The following CACNA1C variants were observed in gnomAD, a reference collection of about 807,000 sequenced individuals.
CACNA1C encodes the protein voltage-dependent L-type calcium channel subunit alpha-1C.
In CACNA1C, 30 loss-of-function variants were observed where a neutral mutation model predicts 229.0. The ratio of observed to expected loss-of-function variants is 0.13; its 90% CI spans 0.10 to 0.18. The LOEUF (loss-of-function observed/expected upper bound fraction) is 0.18. Among genes scored for constraint, CACNA1C ranks in the 10% least tolerant of loss-of-function variants. The pLI is 1.00. For synonymous variants in CACNA1C, 1,114 were observed against 1,132.5 expected, an observed-to-expected ratio of 0.98 and a Z score of 0.33; for missense variants, 1,658 against 2,845.0, an observed-to-expected ratio of 0.58 and a Z score of 9.49.
At chr12:2,158,374 G>A (rs540892904) in intron 3 of CACNA1C, among the ~76,000 whole-genome samples, 7 of 152,236 alleles carry the variant, frequency 4.6e-5, no homozygotes, top group Non-Finnish European at 4.4e-5. Flanking sequence ...TCAGGAGTTC[G>A]AGACCAGCCT....
rs2099741326 is a variant in CACNA1C, at chr12:2,493,883, AT to A, written c.1113+502del. 1.3e-5 allele frequency among the ~76,000 whole-genome samples: 2 copies of A among 152,164 alleles called. No homozygotes were observed. The highest frequency in any genetic ancestry group is 2.4e-5 in the African/African-American group (1 of 41,436). On this transcript the variant is annotated intron_variant, in intron 7 of 46. Transcript: ENST00000399655. This position sits in a 1 kb window ranked among gnomAD's most constrained non-coding sequence, Gnocchi z 4.6. The stretch of plus-strand genomic sequence containing the variant: ...GTGTAGCATTGTGACATGCTATTCA[AT>A]TTTTACTTTTTATTTTACTCTTACC...
At chr12:2,644,919 T>C (rs1469447012) in intron 30 of CACNA1C, among the ~76,000 whole-genome samples, 1 of 152,232 alleles carries the variant, frequency 6.6e-6, no homozygotes, top group Non-Finnish European at 1.5e-5. Context: ...CTTTCCTTTC[T>C]GTTTGCCCTG....
Position 2,285,749 on chromosome 12 carries a change from T to G in CACNA1C, c.478-163227T>G, listed in dbSNP as rs946662907. Reference sequence around the variant, plus strand: ...TCTTTTTCTCAACCTGTTGCTAACGTGCTCATTCGAGAGAGGCTGGTGCGC... The same window carrying G: ...TCTTTTTCTCAACCTGTTGCTAACGGGCTCATTCGAGAGAGGCTGGTGCGC... On this transcript the variant is annotated intron_variant, in intron 3 of 46. Coordinates refer to ENST00000399655, the MANE Select transcript of CACNA1C (RefSeq NM_000719.7). The surrounding 1 kb of genome is among the most constrained non-coding windows in gnomAD (Gnocchi z 4.2). 2.6e-5 allele frequency among the ~76,000 whole-genome samples: 4 copies of G among 152,168 alleles called. No individual in the cohort carries two copies. The highest frequency in any genetic ancestry group is 4.4e-5 in the Non-Finnish European group (3 of 68,032).
At chr12:2,428,648 T>C (rs1446500878) in intron 3 of CACNA1C, among the ~76,000 whole-genome samples, 3 of 152,178 alleles carry the variant, frequency 2.0e-5, no homozygotes, top group Non-Finnish European at 1.5e-5. Flanking sequence ...TACCTACTTA[T>C]CTGTGCTGTG....
intron 11 of CACNA1C, among the ~76,000 whole-genome samples, chr12:2,565,318 T>A (rs1395960587): frequency 6.7e-6 from 1 of 150,346 alleles, no homozygotes; most frequent in African/African-American, 2.5e-5. Context: ...ATACAAAAAA[T>A]TAGCCGGGCG....
chr12:2,116,479 C>T (rs971851397), intron 2 of CACNA1C, among the ~76,000 whole-genome samples: 7 of 151,944 alleles, frequency 4.6e-5, no homozygotes, highest in African/African-American at 1.7e-4. Flanking sequence ...CATTGTCCTG[C>T]CTCAGCCTCC....
chr12:2,532,587 C>T (rs2099843741), intron 9 of CACNA1C, among the ~76,000 whole-genome samples: 1 of 152,198 alleles, frequency 6.6e-6, no homozygotes, highest in South Asian at 2.1e-4. Flanking sequence ...TCTGGCTGGA[C>T]AGGCCCACCG....
In CACNA1C at chr12:2,002,313, G is replaced by A. The variant is rs564041417; in HGVS notation, c.139+31112G>A. Among the ~76,000 whole-genome samples the A allele has an allele frequency of 4.6e-5, 7 of 152,300 alleles. No individual in the cohort carries two copies. The South Asian group carries it at 6.2e-4, about 14-fold the overall frequency. ...CCCATCCACAGTGACAGCACATGGAGACAGTGGTCATAATTAGTTTGCCTC... is the reference window on the plus strand; with the variant it reads ...CCCATCCACAGTGACAGCACATGGAAACAGTGGTCATAATTAGTTTGCCTC... On this transcript the variant is annotated intron_variant, in intron 1 of 46. Coordinates refer to the CACNA1C transcript ENST00000682462.
At chr12:2,121,490 C>T (rs751558723) in intron 3 of CACNA1C, among the ~76,000 whole-genome samples, 21 of 152,116 alleles carry the variant, frequency 1.4e-4, no homozygotes, top group South Asian at 2.1e-4. Flanking sequence ...TTCAGGTAAC[C>T]GCTGATGCAT....
chr12:2,328,859 C>T (rs1052012801), intron 3 of CACNA1C, among the ~76,000 whole-genome samples: 2 of 152,200 alleles, frequency 1.3e-5, no homozygotes, highest in African/African-American at 4.8e-5. Context: ...TGTGGGTAGA[C>T]AAGGCCACTC....
intron 1 of CACNA1C, among the ~76,000 whole-genome samples, chr12:2,071,131 G>C (rs866190557): frequency 1.3e-3 from 5 of 3,772 alleles, no homozygotes; most frequent in African/African-American, 3.1e-3. Flanking sequence ...CCCCCTTCCC[G>C]CTTCCCCCTC....
At chr12:2,265,121 T>C (rs1452898024) in intron 3 of CACNA1C, among the ~76,000 whole-genome samples, 1 of 152,224 alleles carries the variant, frequency 6.6e-6, no homozygotes, top group African/African-American at 2.4e-5. Flanking sequence ...GACAGTGAGT[T>C]TGAAGATCAG....
At chr12:2,252,451 C>T (rs112491773) in intron 3 of CACNA1C, among the ~76,000 whole-genome samples, 1 of 152,104 alleles carries the variant, frequency 6.6e-6, no homozygotes, top group Non-Finnish European at 1.5e-5. Flanking sequence ...GGGAGGCCAA[C>T]GTGCTGAGTG....
intron 29 of CACNA1C, among the ~76,000 whole-genome samples, chr12:2,624,766 T>C (rs1224266984): frequency 6.6e-5 from 10 of 152,224 alleles, no homozygotes; most frequent in Admixed American, 6.5e-4. Flanking sequence ...ACTCAGCGTC[T>C]TAGTGACTTT....
intron 3 of CACNA1C, among the ~76,000 whole-genome samples, chr12:2,377,451 C>G (rs2098110174): frequency 6.6e-6 from 1 of 152,174 alleles, no homozygotes; most frequent in African/African-American, 2.4e-5. Flanking sequence ...AACTCACCGA[C>G]CAGCCTAGCC....
chr12:2,540,091 G>A (rs769994946), intron 9 of CACNA1C, among the ~76,000 whole-genome samples: 4 of 152,146 alleles, frequency 2.6e-5, no homozygotes, highest in Non-Finnish European at 4.4e-5. Context: ...GTTGGGGAGC[G>A]AACGCCCCAC....
chr12:2,572,786 C>G (rs2056609620), intron 13 of CACNA1C, among the ~76,000 whole-genome samples: 1 of 124,748 alleles, frequency 8.0e-6, no homozygotes, highest in South Asian at 2.9e-4. Flanking sequence ...TTCTCCTCTC[C>G]TCCTCCTCCT....
intron 3 of CACNA1C, among the ~76,000 whole-genome samples, chr12:2,273,724 A>G (rs187271304): frequency 6.6e-6 from 1 of 152,332 alleles, no homozygotes; most frequent in Admixed American, 6.5e-5. Flanking sequence ...GGCTAAGAGA[A>G]GACGCTTGCA....
Position 2,676,949 on chromosome 12 carries a change from C to G in CACNA1C, c.4829-145C>G, listed in dbSNP as rs12818148. 33,365 of 633,082 alleles carry G rather than the reference C, an allele frequency of 0.053. 1,437 individuals carry two copies. The highest frequency in any genetic ancestry group is 0.16 in the East Asian group (5,558 of 33,982). 39.2% of individuals were successfully genotyped at this position (633,082 alleles called of 1,614,324 possible). A position where few individuals can be genotyped will look rare whatever the true frequency, so the allele number is the denominator to read the frequency against. The stretch of plus-strand genomic sequence containing the variant: ...TAAGCCTTTTTATGGTTTTTTTTCT[C>G]TCTTTTTAAGCCATGTGAATGTATT... On this transcript the variant is annotated intron_variant, in intron 39 of 46. Coordinates refer to ENST00000399655, the MANE Select transcript of CACNA1C (RefSeq NM_000719.7).
Sources: allele counts gnomAD v4.1 joint callset (sites outside exome capture counted in the v4.1 genomes callset), GRCh38; gene constraint gnomAD v4.1.1; non-coding constraint Gnocchi (gnomAD v3.1); transcripts MANE v1.5; gene names NCBI Gene and HGNC (gene_info 2026-07-23, HGNC 2026-07-21).